The following DOCK9 variants were observed in gnomAD, a reference collection of about 807,000 sequenced individuals.
DOCK9 encodes the protein dedicator of cytokinesis protein 9.
A neutral mutation model predicts 263.3 loss-of-function variants in DOCK9; 89 were observed. That is an observed-to-expected ratio of 0.34 (90% confidence interval 0.28 to 0.40). The LOEUF (loss-of-function observed/expected upper bound fraction) is 0.40, where lower values mean the gene tolerates loss of function less well. DOCK9 is among the 10% of genes least tolerant of loss of function. The probability of loss-of-function intolerance (pLI) is 1.00; values close to 1 mark genes in which losing one functional copy is unlikely to be tolerated. For synonymous variants in DOCK9, 976 were observed against 973.1 expected, an observed-to-expected ratio of 1.00 and a Z score of -0.06; for missense variants, 2,140 against 2,603.4, an observed-to-expected ratio of 0.82 and a Z score of 3.87.
At chr13:98,890,719 G>T (rs35354177) in intron 15 of DOCK9, among the ~76,000 whole-genome samples, 21,014 of 152,078 alleles carry the variant, frequency 0.14, 1,484 homozygotes, top group Middle Eastern at 0.2. Context: ...GCAGCCTCAC[G>T]TGTCACTCCT....
intron 27 of DOCK9, among the ~76,000 whole-genome samples, chr13:98,875,478 T>C (rs886880271): frequency 3.9e-5 from 6 of 152,236 alleles, no homozygotes; most frequent in African/African-American, 1.2e-4. Context: ...AGGGCATATA[T>C]TCATCCTACC....
At chr13:98,998,802 A>G (rs1391887472) in intron 1 of DOCK9, among the ~76,000 whole-genome samples, 4 of 152,342 alleles carry the variant, frequency 2.6e-5, no homozygotes, top group Middle Eastern at 3.4e-3. Context: ...GAAGGCACAG[A>G]CAATCCAAGG....
intron 43 of DOCK9, among the ~76,000 whole-genome samples, chr13:98,828,333 C>T (rs12864289): frequency 0.14 from 21,776 of 152,024 alleles, 1,748 homozygotes; most frequent in South Asian, 0.2. Context: ...TAAGTTCTTC[C>T]TTTCTTTTTT....
chr13:98,932,471 A>T (rs1283739160), intron 2 of DOCK9, among the ~76,000 whole-genome samples: 1 of 152,208 alleles, frequency 6.6e-6, no homozygotes, highest in Non-Finnish European at 1.5e-5. Flanking sequence ...CATACAAGCA[A>T]ACATTTTGCT....
chr13:98,976,706 C>T (rs1267617173), intron 1 of DOCK9, among the ~76,000 whole-genome samples: 2 of 152,184 alleles, frequency 1.3e-5, no homozygotes, highest in Non-Finnish European at 2.9e-5. Flanking sequence ...AGATGAAAAT[C>T]TGCAGTGAAA....
rs150975792 is a variant in DOCK9, at chr13:98,903,165, AC to A, written c.1036-54del. On this transcript the variant is annotated intron_variant, in intron 10 of 52. Coordinates refer to ENST00000682017, the MANE Select transcript of DOCK9 (RefSeq NM_001366683.2). ...TAAGTTATGCTCTTATTTTAAAAAA[AC>A]ATCATAAATGCATCCAAAGGAAACG... The A allele has an allele frequency of 1.9e-3, 2,618 of 1,369,302 alleles. 44 individuals are homozygous for A. In the African/African-American group the frequency reaches 0.035, roughly 18 times the overall value. The allele number at this position is 1,369,302 out of a possible 1,614,324, so 84.8% of individuals were successfully genotyped here.
At chr13:98,958,895 A>G (rs1368466528) in intron 1 of DOCK9, among the ~76,000 whole-genome samples, 1 of 152,224 alleles carries the variant, frequency 6.6e-6, no homozygotes, top group Non-Finnish European at 1.5e-5. Context: ...GGTCAGTTTC[A>G]TGTATTTAGG....
At chr13:98,970,747 T>C (rs2059655007) in intron 1 of DOCK9, among the ~76,000 whole-genome samples, 1 of 152,214 alleles carries the variant, frequency 6.6e-6, no homozygotes, top group Non-Finnish European at 1.5e-5. Flanking sequence ...TTCAAACTTC[T>C]GGAAAGTTGG....
chr13:98,883,966 A>G (rs2296997), intron 21 of DOCK9, 67 bp from the exon 22 acceptor site: 887,814 of 1,162,112 alleles, frequency 0.76, 341,617 homozygotes, highest in Middle Eastern at 0.88. Context: ...ATGATCATCA[A>G]TGAGGGTAAT....
chr13:99,052,327 T>A (rs2040734432), intron 1 of DOCK9, among the ~76,000 whole-genome samples: 1 of 151,962 alleles, frequency 6.6e-6, no homozygotes, highest in Non-Finnish European at 1.5e-5. Flanking sequence ...GATGGAAGGA[T>A]CTCCTGGTAA....
intron 1 of DOCK9, among the ~76,000 whole-genome samples, chr13:99,020,574 G>A (rs1204051079): frequency 6.6e-6 from 1 of 152,202 alleles, no homozygotes; most frequent in Non-Finnish European, 1.5e-5. Flanking sequence ...ATCTGCAGCT[G>A]CTGTTCCCAC....
intron 1 of DOCK9, among the ~76,000 whole-genome samples, chr13:99,032,062 T>C (rs1233416401): frequency 2.0e-5 from 3 of 152,218 alleles, no homozygotes; most frequent in South Asian, 2.1e-4. Flanking sequence ...GGAGAACTAA[T>C]GATAACCCAT....
At chr13:99,045,382 T>C (rs1008568743) in intron 1 of DOCK9, among the ~76,000 whole-genome samples, 3 of 152,162 alleles carry the variant, frequency 2.0e-5, no homozygotes, top group South Asian at 2.1e-4. Flanking sequence ...GAGGACATCA[T>C]GTTAAATGAA....
intron 2 of DOCK9, among the ~76,000 whole-genome samples, chr13:98,951,357 G>A (rs987559223): frequency 2.6e-5 from 4 of 152,148 alleles, no homozygotes; most frequent in African/African-American, 7.2e-5. Flanking sequence ...TTTACTTGAT[G>A]AATCAAAGAA....
intron 27 of DOCK9, among the ~76,000 whole-genome samples, chr13:98,870,761 T>C (rs2094163919): frequency 6.6e-6 from 1 of 152,128 alleles, no homozygotes; most frequent in Non-Finnish European, 1.5e-5. Context: ...ATTAAGTCTC[T>C]AGATCCAACC....
At chr13:99,028,601 A>G (rs1887023233) in intron 1 of DOCK9, among the ~76,000 whole-genome samples, 1 of 152,168 alleles carries the variant, frequency 6.6e-6, no homozygotes, top group Non-Finnish European at 1.5e-5. Context: ...TTCTTCTTGC[A>G]TTATTTATAC....
chr13:99,073,247 C>G (rs1204712711), intron 1 of DOCK9, among the ~76,000 whole-genome samples: 3 of 152,114 alleles, frequency 2.0e-5, no homozygotes, highest in East Asian at 1.9e-4. Flanking sequence ...CATGCTTTGC[C>G]TAATAGAAAA....
At position 98,868,393 on chromosome 13, in the gene DOCK9, A is replaced by G; in HGVS notation, c.2944-16T>C. The G allele has an allele frequency of 1.2e-6, 2 of 1,601,728 alleles. No individual in the cohort carries two copies. Among genetic ancestry groups the G allele is most frequent in the Non-Finnish European group, 1.7e-6 (2 of 1,173,648 alleles). Reference sequence around the variant, plus strand: ...TTCGCAGCAACTAAAAAGAATTCAGAGCAAACATTTATTATTTATTAAGTT... The same window carrying G: ...TTCGCAGCAACTAAAAAGAATTCAGGGCAAACATTTATTATTTATTAAGTT... On this transcript the variant is annotated splice_polypyrimidine_tract_variant and intron_variant, in intron 27 of 52. Coordinates refer to ENST00000682017, the MANE Select transcript of DOCK9 (RefSeq NM_001366683.2).
chr13:99,086,295 C>T, exon 1 of DOCK9: 1 of 1,491,478 alleles, frequency 6.7e-7, no homozygotes, highest in South Asian at 1.3e-5. Context: ...GCTTACTCAG[C>T]GCCCGGGTGA....
Sources: gnomAD v4.1 joint callset for allele counts (sites outside exome capture counted in the v4.1 genomes callset) on GRCh38, gnomAD v4.1.1 for gene constraint, MANE v1.5 for transcripts, NCBI Gene and HGNC (gene_info 2026-07-23, HGNC 2026-07-21) for gene names.